Variants in EYA2 observed in about 807,000 individuals in gnomAD.
The protein encoded by EYA2 is protein phosphatase EYA2.
A neutral mutation model predicts 69.2 loss-of-function variants in EYA2; 31 were observed. The ratio of observed to expected loss-of-function variants is 0.45; its 90% CI spans 0.34 to 0.60. The LOEUF is 0.60. Ranked by LOEUF, EYA2 falls within the 20% of genes least tolerant of loss-of-function variation. The probability of loss-of-function intolerance (pLI) is 0.02; values close to 1 mark genes in which losing one functional copy is unlikely to be tolerated. For missense variants in EYA2, 622 were observed against 701.2 expected, an observed-to-expected ratio of 0.89 and a Z score of 1.28; for synonymous variants, 257 against 279.4, an observed-to-expected ratio of 0.92 and a Z score of 0.80.
At chr20:46,910,241 C>T (rs996992645) in intron 1 of EYA2, among the ~76,000 whole-genome samples, 6 of 151,774 alleles carry the variant, frequency 4.0e-5, no homozygotes, top group Admixed American at 2.0e-4. Context: ...TGGTGGGAGA[C>T]GAAGAGGAAG....
At chr20:46,990,786 C>A (rs1450375602) in intron 2 of EYA2, among the ~76,000 whole-genome samples, 1 of 152,186 alleles carries the variant, frequency 6.6e-6, no homozygotes, top group African/African-American at 2.4e-5. Flanking sequence ...TTGGGATTTG[C>A]TGCTGTTGTC....
At chr20:47,012,824 A>T (rs1340982467) in intron 4 of EYA2, among the ~76,000 whole-genome samples, 1 of 152,226 alleles carries the variant, frequency 6.6e-6, no homozygotes, top group African/African-American at 2.4e-5. Context: ...CATACTAAAT[A>T]CAAGTCTGGA....
intron 7 of EYA2, among the ~76,000 whole-genome samples, chr20:47,079,783 A>G (rs2031648320): frequency 6.6e-6 from 1 of 151,730 alleles, no homozygotes; most frequent in African/African-American, 2.4e-5. Context: ...TCTTTGAGCT[A>G]TTGTGATAGG....
chr20:46,901,717 G>A (rs1323668899), intron 1 of EYA2: 2 of 152,304 alleles, frequency 1.3e-5, no homozygotes, highest in Non-Finnish European at 2.9e-5. Flanking sequence ...AAGGAGCCCC[G>A]AGGAGAATCG....
At chr20:47,155,688 T>C (rs1045119679) in intron 10 of EYA2, among the ~76,000 whole-genome samples, 2 of 151,768 alleles carry the variant, frequency 1.3e-5, no homozygotes, top group African/African-American at 2.4e-5. Context: ...GTTTTTTCAA[T>C]CTCCATTTTA....
intron 6 of EYA2, among the ~76,000 whole-genome samples, chr20:47,073,482 G>T (rs2031390631): frequency 7.4e-6 from 1 of 135,586 alleles, no homozygotes. Context: ...TTCTAGGTTT[G>T]TGTGTGTGTC....
chr20:47,137,761 C>T (rs1251744530), intron 9 of EYA2, among the ~76,000 whole-genome samples: 1 of 152,098 alleles, frequency 6.6e-6, no homozygotes, highest in Admixed American at 6.6e-5. Context: ...GTTTCTTGCT[C>T]TCTGCAACCC....
At chr20:47,182,863 G>A (rs2034564676) in intron 14 of EYA2, among the ~76,000 whole-genome samples, 1 of 152,080 alleles carries the variant, frequency 6.6e-6, no homozygotes, top group Non-Finnish European at 1.5e-5. Context: ...CTTGAACCCA[G>A]AAAGTGGAGG....
intron 9 of EYA2, among the ~76,000 whole-genome samples, chr20:47,097,673 A>G (rs1300294441): frequency 6.6e-6 from 1 of 152,234 alleles, no homozygotes; most frequent in African/African-American, 2.4e-5. Context: ...TCGGGGAACC[A>G]TCTAGTTAGA....
intron 9 of EYA2, among the ~76,000 whole-genome samples, chr20:47,122,289 GT>G (rs1180670988): frequency 0.02 from 2,173 of 110,820 alleles, 22 homozygotes; most frequent in African/African-American, 0.054. Flanking sequence ...TATTTTCTTG[GT>G]TTTTTTTTTT....
intron 10 of EYA2, among the ~76,000 whole-genome samples, chr20:47,155,736 C>T (rs1261144851): frequency 6.6e-6 from 1 of 151,798 alleles, no homozygotes; most frequent in African/African-American, 2.4e-5. Context: ...ATCCCTTTCC[C>T]AGGGTCACAC....
At chr20:46,985,058 A>G (rs774439015) in intron 1 of EYA2, among the ~76,000 whole-genome samples, 10 of 152,232 alleles carry the variant, frequency 6.6e-5, no homozygotes, top group Non-Finnish European at 1.3e-4. Context: ...CACACATAAA[A>G]CAACATGGCA....
intron 10 of EYA2, among the ~76,000 whole-genome samples, chr20:47,156,127 CATATAT>C (rs752111640): frequency 0.012 from 165 of 14,140 alleles, 1 homozygote; most frequent in African/African-American, 0.015. Context: ...CACACACACA[CATATAT>C]ATATATATAT....
intron 1 of EYA2, among the ~76,000 whole-genome samples, chr20:46,963,364 CA>C (rs1224765028): frequency 6.6e-6 from 1 of 152,160 alleles, no homozygotes; most frequent in Non-Finnish European, 1.5e-5. Flanking sequence ...AGTCAGTCGT[CA>C]AAAAAGAAAT....
chr20:47,044,053 A>G (rs1023546790), intron 5 of EYA2, among the ~76,000 whole-genome samples: 1 of 152,220 alleles, frequency 6.6e-6, no homozygotes, highest in Non-Finnish European at 1.5e-5. Context: ...TTCATAGGGC[A>G]TGCTGGTATG....
intron 4 of EYA2, among the ~76,000 whole-genome samples, chr20:47,007,862 A>G (rs1351026385): frequency 6.6e-6 from 1 of 151,860 alleles, no homozygotes; most frequent in African/African-American, 2.4e-5. Flanking sequence ...TTCTTACCTC[A>G]AGCAATCCTC....
At chr20:46,991,968 CAAA>C (rs36163121) in intron 2 of EYA2, among the ~76,000 whole-genome samples, 3 of 79,274 alleles carry the variant, frequency 3.8e-5, no homozygotes, top group Admixed American at 1.6e-4. Context: ...GACTCCGTCT[CAAA>C]AAAAAAAAAA....
At chr20:47,180,018 C>G (rs1453310844) in intron 13 of EYA2, 106 bp downstream of exon 13, 5 of 728,728 alleles carry the variant, frequency 6.9e-6, no homozygotes, top group Non-Finnish European at 1.2e-5. Flanking sequence ...CTCAAACTCT[C>G]ACTTGTACAC....
At chr20:47,014,167 A>G (rs1009402492) in intron 4 of EYA2, among the ~76,000 whole-genome samples, 5 of 152,132 alleles carry the variant, frequency 3.3e-5, no homozygotes, top group African/African-American at 1.2e-4. Context: ...TTCACAAGAA[A>G]GGAGGCCTCC....
Sources: gnomAD v4.1 joint callset for allele counts (sites outside exome capture counted in the v4.1 genomes callset) on GRCh38, gnomAD v4.1.1 for gene constraint, MANE v1.5 for transcripts, NCBI Gene and HGNC (gene_info 2026-07-23, HGNC 2026-07-21) for gene names.